Variants in MAP3K13 observed in about 807,000 individuals in gnomAD.
The protein encoded by MAP3K13 is mitogen-activated protein kinase kinase kinase 13.
In MAP3K13, 52 loss-of-function variants were observed where a neutral mutation model predicts 104.0. That is an observed-to-expected ratio of 0.50 (90% CI 0.40 to 0.63). MAP3K13 has a LOEUF of 0.63. Among genes scored for constraint, MAP3K13 ranks in the 20% least tolerant of loss-of-function variants. The pLI is 0.00. For synonymous variants in MAP3K13, 394 were observed against 442.2 expected (o/e 0.89, Z 1.37); for missense variants, 914 against 1,218.5 (o/e 0.75, Z 3.72).
At chr3:185,384,310 G>C (rs549712125) in intron 1 of MAP3K13, among the ~76,000 whole-genome samples, 1 of 150,196 alleles carries the variant, frequency 6.7e-6, no homozygotes, top group African/African-American at 2.4e-5. Flanking sequence ...ATTCCATTCT[G>C]TGTGTGTGTG....
At chr3:185,317,226 ATCTTTATTGT>A (rs1721709497) in intron 2 of MAP3K13, among the ~76,000 whole-genome samples, 1 of 152,318 alleles carries the variant, frequency 6.6e-6, no homozygotes, top group East Asian at 1.9e-4. Context: ...TTCCAGAGCA[ATCTTTATTGT>A]TCTTTCGCCT....
rs1206109292 is a variant in MAP3K13 at position 185,433,571 on chromosome 3, A to G, written c.476-3876A>G. 6.6e-5 allele frequency among the ~76,000 whole-genome samples: 10 copies of G among 152,236 alleles called. 1 individual carries two copies. The highest frequency in any genetic ancestry group is 1.5e-4 in the Non-Finnish European group (10 of 68,042). On this transcript the variant is annotated intron_variant, in intron 2 of 13. Transcript: ENST00000265026. Reference sequence around the variant, plus strand: ...AGACTGGTCAAAGAGTGCTAAATTCATATCAATCGATTTTACTTCTGATAA... The same window carrying G: ...AGACTGGTCAAAGAGTGCTAAATTCGTATCAATCGATTTTACTTCTGATAA...
chr3:185,487,177 G>GC lies in MAP3K13; in HGVS notation c.*4721_*4722insC, dbSNP rs199890739. ...ACCAACCCAGACTTTTTTTGGGGGG[G>GC]GGTGAGGGCGCAGGATCTCACTCTG... On this transcript the variant is annotated 3_prime_UTR_variant, in exon 14 of 14. Transcript: ENST00000265026. 7 of 151,510 alleles carry GC rather than the reference G, an allele frequency of 4.6e-5. No homozygotes were observed. In the East Asian group the frequency reaches 7.7e-4, roughly 17 times the overall value. 9.4% of individuals were successfully genotyped at this position (151,510 alleles called of 1,614,324 possible).
intron 9 of MAP3K13, 126 bp from the exon 10 acceptor site, chr3:185,466,700 A>C (rs1717453748): frequency 8.7e-7 from 1 of 1,146,254 alleles, no homozygotes; most frequent in African/African-American, 1.5e-5. Context: ...TTAAACCTGA[A>C]TAGCAGTCTT....
At chr3:185,306,414 T>C (rs981045813) in intron 2 of MAP3K13, among the ~76,000 whole-genome samples, 1 of 152,228 alleles carries the variant, frequency 6.6e-6, no homozygotes, top group African/African-American at 2.4e-5. Flanking sequence ...ATAAGTATTC[T>C]CTTTTCTCCA....
chr3:185,357,466 AAG>A (rs1723416703), intron 2 of MAP3K13, among the ~76,000 whole-genome samples: 1 of 150,626 alleles, frequency 6.6e-6, no homozygotes, highest in Non-Finnish European at 1.5e-5. Flanking sequence ...AAAAAAAAAA[AAG>A]AAAAAAAGAA....
intron 7 of MAP3K13, among the ~76,000 whole-genome samples, chr3:185,455,171 G>GATATATATATGATATGTATGAGAT (rs202038007): frequency 3.6e-5 from 1 of 28,102 alleles, no homozygotes; most frequent in African/African-American, 1.0e-4. Flanking sequence ...ATATATATGA[G>GATATATATATGATATGTATGAGAT]ATATATATGA....
chr3:185,365,667 AT>A (rs1350729110), intron 1 of MAP3K13, among the ~76,000 whole-genome samples: 3 of 152,200 alleles, frequency 2.0e-5, no homozygotes, highest in East Asian at 3.8e-4. Flanking sequence ...TTGCAAAAAA[AT>A]AAAAATAAAA....
At chr3:185,353,262 T>G (rs777847832) in intron 2 of MAP3K13, among the ~76,000 whole-genome samples, 1 of 152,212 alleles carries the variant, frequency 6.6e-6, no homozygotes, top group Non-Finnish European at 1.5e-5. Flanking sequence ...TTTGTGAACT[T>G]GGCAGCCCCC....
At chr3:185,334,603 C>A (rs1722407804) in intron 2 of MAP3K13, among the ~76,000 whole-genome samples, 2 of 144,926 alleles carry the variant, frequency 1.4e-5, no homozygotes, top group Non-Finnish European at 3.0e-5. Context: ...AATGGATTTT[C>A]TTTTTTTTTT....
rs530918308 is a variant in MAP3K13, at chr3:185,425,965, C to G, written c.-85-2532C>G. On this transcript the variant is annotated intron_variant, in intron 1 of 13. Transcript: ENST00000265026. ...TTGTGATTTCCCAAAGGGTAGGAAC[C>G]TATGGACCATTTACTAATGCCTAAC... 3.9e-5 allele frequency among the ~76,000 whole-genome samples: 6 copies of G among 152,242 alleles called. 1 individual carries two copies. Among genetic ancestry groups the G allele is most frequent in the African/African-American group, 1.4e-4 (6 of 41,536 alleles).
At chr3:185,337,646 A>G (rs993688144) in intron 2 of MAP3K13, among the ~76,000 whole-genome samples, 1 of 152,240 alleles carries the variant, frequency 6.6e-6, no homozygotes, top group African/African-American at 2.4e-5. Flanking sequence ...GTGAAAGGAA[A>G]GAGGCTTATA....
intron 4 of MAP3K13, among the ~76,000 whole-genome samples, chr3:185,444,620 C>T (rs1416163780): frequency 1.3e-5 from 2 of 152,102 alleles, no homozygotes; most frequent in African/African-American, 4.8e-5. Flanking sequence ...GGCTACCAAT[C>T]ACTTTAAGAG....
intron 1 of MAP3K13, among the ~76,000 whole-genome samples, chr3:185,382,516 T>C (rs985996286): frequency 3.9e-5 from 6 of 152,114 alleles, no homozygotes; most frequent in African/African-American, 1.4e-4. Flanking sequence ...AAATTGAAGG[T>C]AGTATAAAAC....
chr3:185,298,042 C>T (rs949454425), intron 2 of MAP3K13, among the ~76,000 whole-genome samples: 1 of 151,064 alleles, frequency 6.6e-6, no homozygotes, highest in Admixed American at 6.6e-5. Context: ...AAGCAGGGAA[C>T]GTGGCGACGG....
intron 1 of MAP3K13, among the ~76,000 whole-genome samples, chr3:185,428,027 C>T (rs1462372157): frequency 6.6e-6 from 1 of 150,502 alleles, no homozygotes; most frequent in Admixed American, 6.6e-5. Flanking sequence ...TGCAGTGAGC[C>T]GAGATCGCGC....
intron 2 of MAP3K13, among the ~76,000 whole-genome samples, chr3:185,352,388 G>A (rs1723168533): frequency 6.6e-6 from 1 of 152,028 alleles, no homozygotes; most frequent in Admixed American, 6.5e-5. Flanking sequence ...AGGTTGTGGT[G>A]AGCCAAGATC....
rs56408536 is a variant in MAP3K13 at position 185,466,869 on chromosome 3, C to G, written c.1549C>G (p.Arg517Gly). 157 of 1,613,844 alleles carry G rather than the reference C, an allele frequency of 9.7e-5. No homozygotes were observed. Among genetic ancestry groups the G allele is most frequent in the Non-Finnish European group, 1.3e-4 (152 of 1,179,874 alleles). The change falls in exon 10 of 14, where the codon CGA (arginine) becomes GGA (glycine). Residue 517 changes from arginine (R) to glycine (G), a missense_variant. Coordinates refer to ENST00000265026, the MANE Select transcript of MAP3K13 (RefSeq NM_004721.5). Reference sequence around the variant, plus strand: ...AAAGAAGTATCCTGGGACCTACAAACGACACCCTGTTCGTCCTATCATCCA... The same window carrying G: ...AAAGAAGTATCCTGGGACCTACAAAGGACACCCTGTTCGTCCTATCATCCA... ...VEKKYPGTYK[R>G]HPVRPIIHPN...
chr3:185,318,442 A>G (rs1012720444), intron 2 of MAP3K13, among the ~76,000 whole-genome samples: 1 of 152,264 alleles, frequency 6.6e-6, no homozygotes, highest in Non-Finnish European at 1.5e-5. Context: ...CTAGATACAC[A>G]GTGAAATGTT....
Sources: gnomAD v4.1 joint callset for allele counts (sites outside exome capture counted in the v4.1 genomes callset) on GRCh38, gnomAD v4.1.1 for gene constraint, MANE v1.5 for transcripts, NCBI Gene and HGNC (gene_info 2026-07-23, HGNC 2026-07-21) for gene names.